CUL5: variants seen among roughly 807,000 people sequenced by gnomAD.
The protein encoded by CUL5 is cullin 5.
A neutral mutation model predicts 108.8 loss-of-function variants in CUL5; 26 were observed. The observed-to-expected ratio is 0.24, with a 90% CI of 0.18 to 0.33. The LOEUF (loss-of-function observed/expected upper bound fraction) is 0.33, where lower values mean the gene tolerates loss of function less well. CUL5 is among the 10% of genes least tolerant of loss of function. The pLI, the probability that CUL5 is intolerant of heterozygous loss-of-function variation, is 1.00. For missense variants in CUL5, 524 were observed against 909.2 expected, an observed-to-expected ratio of 0.58 and a Z score of 5.45; for synonymous variants, 334 against 298.0, an observed-to-expected ratio of 1.12 and a Z score of -1.25.
chr11:108,026,314 A>T (rs1862450139), intron 1 of CUL5, among the ~76,000 whole-genome samples: 2 of 152,164 alleles, frequency 1.3e-5, no homozygotes, highest in Non-Finnish European at 2.9e-5. Context: ...GAGGCCAGTC[A>T]TACTGCATTT....
chr11:108,031,877 G>A (rs977927127), intron 1 of CUL5, among the ~76,000 whole-genome samples: 1 of 152,184 alleles, frequency 6.6e-6, no homozygotes, highest in African/African-American at 2.4e-5. Flanking sequence ...CAGGGACATG[G>A]ATGGAGCTGG....
chr11:108,048,257 A>C (rs1050553556), intron 3 of CUL5, among the ~76,000 whole-genome samples: 4 of 152,198 alleles, frequency 2.6e-5, no homozygotes, highest in Non-Finnish European at 5.9e-5. Context: ...AGAACAAAAA[A>C]AAAAGTAAAA....
rs1310550521 is a variant in CUL5, at chr11:108,107,723, ATAATT to A, written c.*3342_*3346del. On this transcript the variant is annotated 3_prime_UTR_variant, in exon 19 of 19. Transcript: ENST00000393094. ...TTTTGGATTTTATTTTTTAAGTTGT[ATAATT>A]TATTTTCTTGCAAAATAAAAATGTA... 1 of 152,572 alleles carries A rather than the reference ATAATT, an allele frequency of 6.6e-6. No individual in the cohort carries two copies. The highest frequency in any genetic ancestry group is 1.5e-5 in the Non-Finnish European group (1 of 68,048). The allele number at this position is 152,572 out of a possible 1,614,324, so 9.5% of individuals were successfully genotyped here. A position where few individuals can be genotyped will look rare whatever the true frequency, so the allele number is the denominator to read the frequency against.
intron 1 of CUL5, among the ~76,000 whole-genome samples, chr11:108,031,514 C>A (rs1324066934): frequency 6.6e-6 from 1 of 152,134 alleles, no homozygotes; most frequent in Non-Finnish European, 1.5e-5. Context: ...CTGCATATGG[C>A]TAGCCAGTTA....
At chr11:108,027,759 T>G (rs1862487073) in intron 1 of CUL5, among the ~76,000 whole-genome samples, 1 of 152,188 alleles carries the variant, frequency 6.6e-6, no homozygotes, top group African/African-American at 2.4e-5. Flanking sequence ...GTATTTGTCC[T>G]TACTACTCTG....
At chr11:108,056,908 G>T (rs899888963) in intron 7 of CUL5, among the ~76,000 whole-genome samples, 3 of 152,172 alleles carry the variant, frequency 2.0e-5, no homozygotes, top group Non-Finnish European at 4.4e-5. Flanking sequence ...CAGCCAAGGA[G>T]AACTGTGCTG....
At chr11:108,060,564 C>T (rs1863507309) in intron 7 of CUL5, among the ~76,000 whole-genome samples, 4 of 151,968 alleles carry the variant, frequency 2.6e-5, no homozygotes, top group Admixed American at 6.6e-5. Context: ...GGCTGGATGC[C>T]GTGGCCCACG....
rs766442617 is a variant in CUL5, at chr11:108,098,331, C to T, written c.2025-75C>T. 6 of 1,312,558 alleles carry T rather than the reference C, an allele frequency of 4.6e-6. 1 individual carries two copies. The highest frequency in any genetic ancestry group is 2.9e-5 in the South Asian group (2 of 68,786). 81.3% of individuals were successfully genotyped at this position (1,312,558 alleles called of 1,614,324 possible). On this transcript the variant is annotated intron_variant, in intron 17 of 18. Coordinates refer to ENST00000393094, the MANE Select transcript of CUL5 (RefSeq NM_003478.6). ...TTTAGCATATTTTTAAATCTTTTCTCTCAGACATTGTTGCTATAATAGGAT... is the reference window on the plus strand; with the variant it reads ...TTTAGCATATTTTTAAATCTTTTCTTTCAGACATTGTTGCTATAATAGGAT...
At chr11:108,055,726 G>A (rs1863359898) in intron 7 of CUL5, among the ~76,000 whole-genome samples, 2 of 151,996 alleles carry the variant, frequency 1.3e-5, no homozygotes, top group Admixed American at 1.3e-4. Context: ...TGCCTCTCAG[G>A]CTCAAGCAGT....
chr11:108,065,049 G>A lies in CUL5; in HGVS notation c.781-5047G>A, dbSNP rs555066468. 3.1e-3 allele frequency among the ~76,000 whole-genome samples: 469 copies of A among 150,872 alleles called. 1 individual carries two copies. Among genetic ancestry groups the A allele is most frequent in the Admixed American group, 5.3e-3 (80 of 15,112 alleles). ...TAATTAATTAATTTTTTTTTGAGACGGAGTCTTGCTCTGTCACCCAGGCTG... is the reference window on the plus strand; with the variant it reads ...TAATTAATTAATTTTTTTTTGAGACAGAGTCTTGCTCTGTCACCCAGGCTG... On this transcript the variant is annotated intron_variant, in intron 7 of 18. Transcript: ENST00000393094.
intron 1 of CUL5, among the ~76,000 whole-genome samples, chr11:108,014,753 C>T (rs1350400275): frequency 6.6e-6 from 1 of 151,974 alleles, no homozygotes; most frequent in Non-Finnish European, 1.5e-5. Context: ...CAGCTCCTGC[C>T]CTTGTATAAT....
At chr11:108,045,819 C>T (rs1226570304) in intron 2 of CUL5, among the ~76,000 whole-genome samples, 1 of 152,018 alleles carries the variant, frequency 6.6e-6, no homozygotes, top group Non-Finnish European at 1.5e-5. Context: ...GTGATTGTGC[C>T]AGTGCACACT....
At chr11:108,078,926 G>GA (rs1864002727) in intron 11 of CUL5, among the ~76,000 whole-genome samples, 1 of 151,996 alleles carries the variant, frequency 6.6e-6, no homozygotes, top group African/African-American at 2.4e-5. Context: ...TATTACAGTG[G>GA]AAGACATCTG....
At position 108,070,267 on chromosome 11, in the gene CUL5, T is replaced by C. The variant is rs562049057; in HGVS notation, c.874+78T>C. ...AAACAAATCACTTACTAAGTTGCTC[T>C]TAGTTAATTCTTTTCCACATAGGTA... On this transcript the variant is annotated intron_variant, in intron 8 of 18. Coordinates refer to ENST00000393094, the MANE Select transcript of CUL5 (RefSeq NM_003478.6). 13 of 1,042,616 alleles carry C rather than the reference T, an allele frequency of 1.2e-5. No individual in the cohort carries two copies. The African/African-American group carries it at 1.6e-4, about 13-fold the overall frequency. The allele number at this position is 1,042,616 out of a possible 1,614,324, so 64.6% of individuals were successfully genotyped here.
intron 2 of CUL5, among the ~76,000 whole-genome samples, chr11:108,036,948 C>G (rs1455467905): frequency 6.6e-6 from 1 of 152,188 alleles, no homozygotes; most frequent in African/African-American, 2.4e-5. Context: ...TCACTCTCCC[C>G]ACTCCTGTTT....
intron 18 of CUL5, among the ~76,000 whole-genome samples, chr11:108,101,861 A>G (rs1349231714): frequency 2.6e-5 from 4 of 152,120 alleles, no homozygotes; most frequent in Non-Finnish European, 5.9e-5. Context: ...TGTAATCTTC[A>G]AGTGCCTGAA....
At chr11:108,044,382 G>A (rs2135115770) in intron 2 of CUL5, among the ~76,000 whole-genome samples, 1 of 152,104 alleles carries the variant, frequency 6.6e-6, no homozygotes, top group East Asian at 1.9e-4. Flanking sequence ...AGACATGGTG[G>A]CACATACCTG....
chr11:108,096,137 T>C (rs921481935), intron 16 of CUL5, among the ~76,000 whole-genome samples: 21 of 149,372 alleles, frequency 1.4e-4, no homozygotes, highest in African/African-American at 3.9e-4. Context: ...ACACACGAGA[T>C]ATTTATGGAA....
intron 3 of CUL5, 38 bp downstream of exon 3, chr11:108,046,407 C>A: frequency 8.6e-7 from 1 of 1,169,572 alleles, no homozygotes; most frequent in Non-Finnish European, 1.3e-6. Flanking sequence ...TGTTTTAAAA[C>A]TACTCAGATA....
Sources: allele counts gnomAD v4.1 joint callset (sites outside exome capture counted in the v4.1 genomes callset), GRCh38; gene constraint gnomAD v4.1.1; transcripts MANE v1.5; gene names NCBI Gene and HGNC (gene_info 2026-07-23, HGNC 2026-07-21).